Variants in CEP350 observed in about 807,000 individuals in gnomAD.
CEP350 encodes centrosomal protein 350, also known as centrosome-associated protein 350.
In CEP350, 126 loss-of-function variants were observed where a neutral mutation model predicts 331.8. The observed-to-expected ratio is 0.38, with a 90% confidence interval of 0.33 to 0.44. The LOEUF is 0.44. Among genes scored for constraint, CEP350 ranks in the 20% least tolerant of loss-of-function variants. CEP350 has a pLI of 1.00. For missense variants in CEP350, 3,406 were observed against 3,634.6 expected, an observed-to-expected ratio of 0.94 and a Z score of 1.62; for synonymous variants, 1,200 against 1,259.5, an observed-to-expected ratio of 0.95 and a Z score of 1.00.
rs1326998876 is a variant in CEP350 at position 180,112,262 on chromosome 1, TA to T, written c.*1102del. 1 of 152,634 alleles carries T rather than the reference TA, an allele frequency of 6.6e-6. No individual in the cohort carries two copies. The highest frequency in any genetic ancestry group is 1.5e-5 in the Non-Finnish European group (1 of 68,044). 9.5% of individuals were successfully genotyped at this position (152,634 alleles called of 1,614,324 possible). On this transcript the variant is annotated 3_prime_UTR_variant, in exon 38 of 38. Transcript: ENST00000367607. Reference sequence around the variant, plus strand: ...AGTTAAACCTCCATCTTGAAGCTTCTATGGTTCATAGTCTTTGCACAGGAAC... The same window carrying T: ...AGTTAAACCTCCATCTTGAAGCTTCTTGGTTCATAGTCTTTGCACAGGAAC...
intron 7 of CEP350, among the ~76,000 whole-genome samples, chr1:180,005,570 A>G (rs1331379170): frequency 1.3e-5 from 2 of 152,114 alleles, no homozygotes; most frequent in Non-Finnish European, 2.9e-5. Context: ...TCTTCTTCTA[A>G]TGAGTCTATT....
At chr1:179,986,145 C>T (rs756011334) in intron 1 of CEP350, 24 bp from the exon 2 acceptor site, 66 of 1,508,870 alleles carry the variant, frequency 4.4e-5, no homozygotes, top group South Asian at 2.5e-4. Context: ...GATTGATGTT[C>T]GGTGAATACT....
chr1:180,110,734 A>G (rs1473525394), intron 37 of CEP350, among the ~76,000 whole-genome samples: 1 of 152,212 alleles, frequency 6.6e-6, no homozygotes, highest in African/African-American at 2.4e-5. Context: ...TGACATTGAC[A>G]ACATACTGGT....
At chr1:179,980,427 C>G (rs1293866640) in intron 1 of CEP350, among the ~76,000 whole-genome samples, 1 of 151,500 alleles carries the variant, frequency 6.6e-6, no homozygotes, top group African/African-American at 2.4e-5. Flanking sequence ...TTTATTAGTT[C>G]TAATTTTTTT....
At chr1:179,969,017 T>C in intron 1 of CEP350, 2 of 752,412 alleles carry the variant, frequency 2.7e-6, no homozygotes, top group Non-Finnish European at 4.9e-6. Context: ...CTTGTGGTGG[T>C]TTGACCACCA....
chr1:180,020,244 C>A lies in CEP350; in HGVS notation c.2470C>A (p.Arg824Ser), dbSNP rs376245955. 3.1e-6 allele frequency: 5 copies of A among 1,613,978 alleles called. No homozygotes were observed. Among genetic ancestry groups the A allele is most frequent in the Non-Finnish European group, 3.4e-6 (4 of 1,179,890 alleles). The change falls in exon 12 of 38, where the codon CGT (arginine) becomes AGT (serine). Residue 824 changes from arginine to serine, a missense_variant. Transcript: ENST00000367607. ...SASQYKSKLD[R>S]IEALKATAAS... ...CAGCCAATATAAGAGTAAACTGGAT[C>A]GTATTGAAGCCTTGAAAGCAACAGC...
intron 34 of CEP350, 99 bp from the exon 35 acceptor site, chr1:180,095,424 A>T (rs989234290): frequency 1.5e-6 from 2 of 1,313,506 alleles, no homozygotes; most frequent in Admixed American, 2.7e-5. Flanking sequence ...ATAGAGAAAT[A>T]TTAGATATAT....
intron 30 of CEP350, among the ~76,000 whole-genome samples, chr1:180,081,367 TATATA>T (rs1196994057): frequency 6.6e-6 from 1 of 152,230 alleles, no homozygotes; most frequent in Non-Finnish European, 1.5e-5. Flanking sequence ...TTTGAGTAAC[TATATA>T]ATATTTCAAA....
At chr1:180,063,186 CTTTT>C (rs35572192) in intron 26 of CEP350, among the ~76,000 whole-genome samples, 3 of 106,956 alleles carry the variant, frequency 2.8e-5, no homozygotes, top group Non-Finnish European at 3.5e-5. Context: ...AAATTTGAAA[CTTTT>C]TTTTTTTTTT....
At chr1:180,074,396 A>G (rs1241522984) in intron 27 of CEP350, among the ~76,000 whole-genome samples, 1 of 152,204 alleles carries the variant, frequency 6.6e-6, no homozygotes, top group Non-Finnish European at 1.5e-5. Context: ...TTACGTTTAT[A>G]TGCATAAGAC....
chr1:180,044,211 T>G, intron 21 of CEP350, 38 bp downstream of exon 21: 1 of 1,497,368 alleles, frequency 6.7e-7, no homozygotes, highest in Non-Finnish European at 8.9e-7. Flanking sequence ...TACAGTTTAG[T>G]AGATTGTGAT....
chr1:179,996,611 T>A lies in CEP350; in HGVS notation c.454T>A (p.Tyr152Asn). 6.2e-7 allele frequency: 1 copy of A among 1,605,798 alleles called. No individual in the cohort carries two copies. The highest frequency in any genetic ancestry group is 8.5e-7 in the Non-Finnish European group (1 of 1,175,682). Residue 152 changes from tyrosine (Y) to asparagine (N), a missense_variant, in exon 6 of 38, where the codon TAC becomes AAC. Physicochemically the swap from Tyr to Asn is moderately radical, Grantham distance 143. This residue lies in a region of CEP350 where 1,857 missense variants were observed against 1,909.2 expected (regional missense o/e 0.97). Coordinates refer to ENST00000367607, the MANE Select transcript of CEP350 (RefSeq NM_014810.5). ...SSSHLESKHV[Y>N]CVDVNEEKTE... ...CAGCCATCTGGAATCAAAGCACGTA[T>A]ACTGTGTAGATGTTAATGAAGAAAA...
chr1:179,991,341 G>A (rs1653048134), intron 4 of CEP350, among the ~76,000 whole-genome samples: 1 of 123,480 alleles, frequency 8.1e-6, no homozygotes, highest in Non-Finnish European at 1.6e-5. Context: ...TTTTGAGACA[G>A]AGTCTCACTC....
At chr1:180,094,912 C>T (rs1284000811) in intron 34 of CEP350, among the ~76,000 whole-genome samples, 1 of 152,148 alleles carries the variant, frequency 6.6e-6, no homozygotes, top group Non-Finnish European at 1.5e-5. Flanking sequence ...GAGTTGACAA[C>T]CCCTGTACTG....
intron 25 of CEP350, among the ~76,000 whole-genome samples, chr1:180,057,748 G>A: frequency 6.6e-6 from 1 of 152,068 alleles, no homozygotes; most frequent in Non-Finnish European, 1.5e-5. Flanking sequence ...CTGGGTTAGG[G>A]TTAGGTTGTA....
intron 1 of CEP350, among the ~76,000 whole-genome samples, chr1:179,975,755 G>A (rs1489263656): frequency 6.6e-6 from 1 of 152,116 alleles, no homozygotes; most frequent in Non-Finnish European, 1.5e-5. Context: ...AAAATTTGAG[G>A]TGCCAATGGT....
In CEP350 at chr1:180,020,305, A is replaced by C; in HGVS notation, c.2531A>C (p.Lys844Thr). The C allele has an allele frequency of 6.2e-7, 1 of 1,614,064 alleles. No homozygotes were observed. The highest frequency in any genetic ancestry group is 8.5e-7 in the Non-Finnish European group (1 of 1,179,912). ...TCCAGCAGAATTGAAAGTGAAGCCA[A>C]GAAATTAGCTGGGGCCAGCATTAAC... ...SLSSRIESEA[K>T]KLAGASINYG... The change falls in exon 12 of 38, where the codon AAG becomes ACG. Residue 844 changes from lysine (K) to threonine (T), a missense_variant. Lys to Thr is a moderately conservative substitution (Grantham distance 78, BLOSUM62 -1). This residue lies in a region of CEP350 where 1,857 missense variants were observed against 1,909.2 expected (regional missense o/e 0.97). Coordinates refer to ENST00000367607, the MANE Select transcript of CEP350 (RefSeq NM_014810.5).
intron 27 of CEP350, among the ~76,000 whole-genome samples, chr1:180,066,576 T>G (rs181983056): frequency 4.6e-4 from 70 of 152,308 alleles, no homozygotes; most frequent in Non-Finnish European, 5.6e-4. Flanking sequence ...TTTCATAACT[T>G]AAAAATACCT....
intron 8 of CEP350, among the ~76,000 whole-genome samples, chr1:180,007,714 C>T (rs1320153397): frequency 6.6e-6 from 1 of 152,044 alleles, no homozygotes; most frequent in Non-Finnish European, 1.5e-5. Flanking sequence ...CCTAGGTTTT[C>T]TTCTAGGGTT....
Sources: allele counts gnomAD v4.1 joint callset (sites outside exome capture counted in the v4.1 genomes callset), GRCh38; gene constraint gnomAD v4.1.1; regional missense constraint gnomAD v4.1.1; transcripts MANE v1.5; gene names NCBI Gene and HGNC (gene_info 2026-07-23, HGNC 2026-07-21).